The following GTF2IRD1 variants were observed in gnomAD, a reference collection of about 807,000 sequenced individuals.
The protein encoded by GTF2IRD1 is general transcription factor II-I repeat domain-containing protein 1.
In GTF2IRD1, 26 loss-of-function variants were observed where a neutral mutation model predicts 113.2. The observed-to-expected ratio is 0.23, with a 90% CI of 0.17 to 0.32. GTF2IRD1 has a LOEUF of 0.32. Ranked by LOEUF, GTF2IRD1 falls within the 10% of genes least tolerant of loss-of-function variation. The probability of loss-of-function intolerance (pLI) is 1.00; values close to 1 mark genes in which losing one functional copy is unlikely to be tolerated. For missense variants in GTF2IRD1, 864 were observed against 1,280.8 expected (o/e 0.67, Z 4.97); for synonymous variants, 484 against 529.1 (o/e 0.91, Z 1.17).
Position 74,535,260 on chromosome 7 carries a change from G to C in GTF2IRD1, c.1300+122G>C, listed in dbSNP as rs1476162972. 1.0e-5 allele frequency: 8 copies of C among 785,266 alleles called. No homozygotes were observed. The East Asian group carries it at 2.0e-4, about 20-fold the overall frequency. The allele number at this position is 785,266 out of a possible 1,614,324, so 48.6% of individuals were successfully genotyped here. On this transcript the variant is annotated intron_variant, in intron 10 of 26. Coordinates refer to ENST00000424337, the MANE Select transcript of GTF2IRD1 (RefSeq NM_005685.4). ...CTCCCCTCAGGCAGGGAGGGAGGCT[G>C]GGCTGTGGTTTCTGTGTCCTGGGAC...
intron 3 of GTF2IRD1, among the ~76,000 whole-genome samples, chr7:74,514,019 C>G (rs1299506754): frequency 6.6e-6 from 1 of 151,988 alleles, no homozygotes; most frequent in East Asian, 1.9e-4. Flanking sequence ...TCAAAAGAAC[C>G]ATGGTATAGC....
intron 1 of GTF2IRD1, among the ~76,000 whole-genome samples, chr7:74,490,550 C>G (rs1054014003): frequency 8.6e-5 from 13 of 151,460 alleles, no homozygotes; most frequent in Non-Finnish European, 1.3e-4. Flanking sequence ...ATACCCCCCC[C>G]CCCGCCCGCC....
At chr7:74,478,966 C>G (rs1794582172) in intron 1 of GTF2IRD1, among the ~76,000 whole-genome samples, 1 of 152,026 alleles carries the variant, frequency 6.6e-6, no homozygotes, top group South Asian at 2.1e-4. Context: ...CCAGGCTGGT[C>G]TCAAACTCCT....
At chr7:74,494,421 G>A (rs566100059) in intron 1 of GTF2IRD1, among the ~76,000 whole-genome samples, 2 of 152,314 alleles carry the variant, frequency 1.3e-5, no homozygotes, top group East Asian at 1.9e-4. Flanking sequence ...GGCTTCCCAC[G>A]TGTCAGCTCA....
At chr7:74,481,115 A>G (rs1794717629) in intron 1 of GTF2IRD1, among the ~76,000 whole-genome samples, 1 of 152,058 alleles carries the variant, frequency 6.6e-6, no homozygotes, top group African/African-American at 2.4e-5. Flanking sequence ...GCTGTGTTGG[A>G]TGGTTGGTTT....
intron 2 of GTF2IRD1, among the ~76,000 whole-genome samples, chr7:74,508,852 C>T (rs184799216): frequency 9.7e-4 from 147 of 152,234 alleles, no homozygotes; most frequent in African/African-American, 3.2e-3. Flanking sequence ...GGGAGCCATT[C>T]ACTAGAAAGA....
intron 1 of GTF2IRD1, among the ~76,000 whole-genome samples, chr7:74,480,773 G>A (rs1794695250): frequency 6.6e-6 from 1 of 152,196 alleles, no homozygotes; most frequent in Non-Finnish European, 1.5e-5. Context: ...TGCCCGCCCC[G>A]GGGGACGGGA....
chr7:74,523,745 C>T (rs1042184508), intron 7 of GTF2IRD1, among the ~76,000 whole-genome samples: 22 of 151,978 alleles, frequency 1.4e-4, no homozygotes, highest in Non-Finnish European at 2.2e-4. Flanking sequence ...ACATAAGACT[C>T]GACCTCTTTT....
At chr7:74,595,155 C>G (rs1802330450) in intron 25 of GTF2IRD1, 104 bp downstream of exon 25, 2 of 735,618 alleles carry the variant, frequency 2.7e-6, no homozygotes, top group Admixed American at 2.3e-5. Context: ...CCTGTAATCC[C>G]AGCACTTTGG....
intron 17 of GTF2IRD1, among the ~76,000 whole-genome samples, chr7:74,553,058 G>A (rs146126021): frequency 4.6e-5 from 7 of 152,162 alleles, no homozygotes; most frequent in Non-Finnish European, 8.8e-5. Context: ...GGCTGGTCTC[G>A]AACTCCTAAC....
chr7:74,578,366 CG>C (rs1554365125), intron 22 of GTF2IRD1, among the ~76,000 whole-genome samples: 1 of 151,802 alleles, frequency 6.6e-6, no homozygotes, highest in Admixed American at 6.6e-5. Context: ...TTTGTAGAGA[CG>C]GGGTTTCACT....
chr7:74,566,317 C>A (rs587594799), intron 22 of GTF2IRD1, among the ~76,000 whole-genome samples: 1 of 152,200 alleles, frequency 6.6e-6, no homozygotes, highest in East Asian at 1.9e-4. Context: ...TTTGAGCAGC[C>A]CCTCACACCA....
chr7:74,597,491 A>G (rs1304272645), intron 25 of GTF2IRD1, among the ~76,000 whole-genome samples: 5 of 151,356 alleles, frequency 3.3e-5, no homozygotes, highest in African/African-American at 1.2e-4. Flanking sequence ...GACTTCAGGC[A>G]TGCACCACCA....
intron 3 of GTF2IRD1, among the ~76,000 whole-genome samples, chr7:74,514,457 C>T (rs782786085): frequency 5.3e-5 from 8 of 152,168 alleles, no homozygotes; most frequent in Non-Finnish European, 4.4e-5. Context: ...CACGCAGAGC[C>T]GCTATTTATA....
chr7:74,473,273 C>T (rs782147476), intron 1 of GTF2IRD1, among the ~76,000 whole-genome samples: 4 of 152,202 alleles, frequency 2.6e-5, no homozygotes, highest in South Asian at 2.1e-4. Flanking sequence ...AGATCTTGGC[C>T]GGTGTCCCTT....
chr7:74,530,342 G>T (rs1428855166), intron 9 of GTF2IRD1, among the ~76,000 whole-genome samples: 1 of 152,042 alleles, frequency 6.6e-6, no homozygotes, highest in Non-Finnish European at 1.5e-5. Context: ...AGAATGAATG[G>T]GTTCTCTAAC....
intron 1 of GTF2IRD1, among the ~76,000 whole-genome samples, chr7:74,464,865 A>G (rs1477418144): frequency 1.3e-5 from 2 of 151,296 alleles, no homozygotes; most frequent in South Asian, 2.1e-4. Context: ...TCCCACCCCT[A>G]CCGGGTTCCC....
chr7:74,588,225 A>C (rs1259657373), intron 22 of GTF2IRD1, among the ~76,000 whole-genome samples: 1 of 147,742 alleles, frequency 6.8e-6, no homozygotes, highest in Admixed American at 7.0e-5. Context: ...CTCCTGTCTC[A>C]ATCTCTTGAG....
intron 22 of GTF2IRD1, among the ~76,000 whole-genome samples, chr7:74,575,636 T>G (rs923952136): frequency 6.6e-6 from 1 of 152,154 alleles, no homozygotes; most frequent in East Asian, 1.9e-4. Context: ...TGTGCTGATA[T>G]AAGCTGTGAG....
Sources: gnomAD v4.1 joint callset for allele counts (sites outside exome capture counted in the v4.1 genomes callset) on GRCh38, gnomAD v4.1.1 for gene constraint, MANE v1.5 for transcripts, NCBI Gene and HGNC (gene_info 2026-07-23, HGNC 2026-07-21) for gene names.